FUS: variants seen among roughly 807,000 people sequenced by gnomAD.
FUS encodes the protein RNA-binding protein FUS.
Under a neutral mutation model 82.7 loss-of-function variants are expected in FUS, and 5 were observed. The observed-to-expected ratio is 0.06, with a 90% confidence interval of 0.03 to 0.13. The LOEUF (loss-of-function observed/expected upper bound fraction) is 0.13, where lower values mean the gene tolerates loss of function less well. Among genes scored for constraint, FUS ranks in the 10% least tolerant of loss-of-function variants. FUS has a pLI of 1.00. For synonymous variants in FUS, 281 were observed against 247.4 expected (o/e 1.14, Z -1.27); for missense variants, 512 against 707.8 (o/e 0.72, Z 3.14).
downstream of FUS, chr16:31,194,029 G>C: frequency 3.7e-6 from 2 of 533,720 alleles, no homozygotes; most frequent in Middle Eastern, 5.2e-4. Context: ...ATTGGGACAG[G>C]CTAAGTAGGA....
In FUS at chr16:31,184,961, C is replaced by T. The variant is rs773155473; in HGVS notation, c.546C>T (p.Ser182=). The T allele has an allele frequency of 4.3e-6, 7 of 1,613,744 alleles. No individual in the cohort carries two copies. Among genetic ancestry groups the T allele is most frequent in the Non-Finnish European group, 5.1e-6 (6 of 1,179,960 alleles). ...CAGGTAACTATGGCCAAGATCAATC[C>T]TCCATGAGTAGTGGTGGTGGCAGTG... ...GGGGNYGQDQ[S]SMSSGGGSGG... is the part of the protein sequence containing the mutation. Residue 182 remains serine (S), a synonymous_variant, in exon 6 of 15, where the codon TCC becomes TCT. Transcript: ENST00000254108.
rs986882037 is a variant in FUS, at chr16:31,184,344, G to A, written c.471G>A (p.Gln157=). Residue 157 remains glutamine, a synonymous_variant, in exon 5 of 15, where the codon CAG becomes CAA. Transcript: ENST00000254108. ...QSYNPPQGYG[Q]QNQYNSSSGG... Reference sequence around the variant, plus strand: ...ATAATCCCCCTCAGGGCTATGGACAGCAGAACCAGTACAACAGCAGCAGTG... The same window carrying A: ...ATAATCCCCCTCAGGGCTATGGACAACAGAACCAGTACAACAGCAGCAGTG... 6 of 1,614,016 alleles carry A rather than the reference G, an allele frequency of 3.7e-6. No homozygotes were observed. Among genetic ancestry groups the A allele is most frequent in the Non-Finnish European group, 5.1e-6 (6 of 1,180,036 alleles).
At chr16:31,193,426 C>T, downstream of FUS, 1 of 527,694 alleles carries the variant, frequency 1.9e-6, no homozygotes, top group Non-Finnish European at 3.7e-6. Flanking sequence ...GTTGAAATGG[C>T]CTGATACGAT....
chr16:31,186,517 G>C, intron 6 of FUS: 1 of 518,274 alleles, frequency 1.9e-6, no homozygotes, highest in Non-Finnish European at 3.5e-6. Flanking sequence ...TGCTCCATCG[G>C]AAGAACGACC....
chr16:31,180,182 G>GTTGT lies in FUS; in HGVS notation c.-30_-29insTTTG, dbSNP rs2058032984. Reference sequence around the variant, plus strand: ...CGGTACTCAGCGGTGTTGGAACTTCGTTGCTTGCTTGCCTGTGCGCGCGTG... The same window carrying GTTGT: ...CGGTACTCAGCGGTGTTGGAACTTCGTTGTTTGCTTGCTTGCCTGTGCGCGCGTG... On this transcript the variant is annotated 5_prime_UTR_variant, in exon 1 of 15. Transcript: ENST00000254108. 4 of 1,608,710 alleles carry GTTGT rather than the reference G, an allele frequency of 2.5e-6. No individual in the cohort carries two copies. The highest frequency in any genetic ancestry group is 8.5e-7 in the Non-Finnish European group (1 of 1,177,610).
rs1357280282 is a variant in FUS at position 31,190,104 on chromosome 16, G to C, written c.1131G>C (p.Arg377=). ...SFATRRADFN[R]GGGNGRGGRG... is the part of the protein sequence containing the mutation. Reference sequence around the variant, plus strand: ...CTACTCGCCGGGCAGACTTTAATCGGGGTGGTGGCAATGGTCGTGGAGGCC... The same window carrying C: ...CTACTCGCCGGGCAGACTTTAATCGCGGTGGTGGCAATGGTCGTGGAGGCC... Residue 377 remains arginine, a synonymous_variant, in exon 11 of 15, where the codon CGG becomes CGC. Transcript: ENST00000254108. The C allele has an allele frequency of 6.2e-7, 1 of 1,614,150 alleles. No individual in the cohort carries two copies. The highest frequency in any genetic ancestry group is 8.5e-7 in the Non-Finnish European group (1 of 1,180,002).
intron 5 of FUS, 51 bp from the exon 6 acceptor site, chr16:31,184,888 C>T (rs895424915): frequency 4.4e-6 from 7 of 1,592,540 alleles, no homozygotes; most frequent in Non-Finnish European, 6.0e-6. Flanking sequence ...TTTAGTGCTA[C>T]TTTACAATCT....
chr16:31,181,070 A>C (rs1179179888), intron 1 of FUS, among the ~76,000 whole-genome samples: 2 of 152,250 alleles, frequency 1.3e-5, no homozygotes, highest in East Asian at 3.9e-4. Context: ...CCGCCACCAC[A>C]GCCCGGCTAA....
At chr16:31,191,260 CA>C in intron 14 of FUS, 138 bp from the exon 15 acceptor site, 1 of 1,468,328 alleles carries the variant, frequency 6.8e-7, no homozygotes, top group Admixed American at 1.8e-5. Context: ...AAAATTAACT[CA>C]GGGGGAGTGA....
downstream of FUS, chr16:31,193,212 G>A (rs559582687): frequency 4.4e-5 from 22 of 494,994 alleles, no homozygotes; most frequent in African/African-American, 3.5e-4. Context: ...AATAAACCAT[G>A]ACTTTTAAGA....
In FUS at chr16:31,191,286, T is replaced by C. The variant is rs1036881354; in HGVS notation, c.1542-113T>C. On this transcript the variant is annotated intron_variant, in intron 14 of 14. Coordinates refer to ENST00000254108, the MANE Select transcript of FUS (RefSeq NM_004960.4). Reference sequence around the variant, plus strand: ...AGGGGGAGTGAATCTGTAGACCCACTTGAGATAAGATACTCGCTGGGTTAG... The same window carrying C: ...AGGGGGAGTGAATCTGTAGACCCACCTGAGATAAGATACTCGCTGGGTTAG... The C allele has an allele frequency of 8.0e-6, 12 of 1,501,206 alleles. No homozygotes were observed. In the African/African-American group the frequency reaches 1.5e-4, roughly 19 times the overall value. The allele number at this position is 1,501,206 out of a possible 1,614,324, so 93.0% of individuals were successfully genotyped here.
intron 3 of FUS, chr16:31,183,277 CAT>C (rs978401090): frequency 7.1e-5 from 12 of 168,758 alleles, no homozygotes; most frequent in African/African-American, 2.5e-4. Flanking sequence ...ATCTCAAAAA[CAT>C]AAAAAAAAAA....
chr16:31,184,441 T>TTC lies in FUS; in HGVS notation c.523+46_523+47insCT, dbSNP rs774059636. On this transcript the variant is annotated intron_variant, in intron 5 of 14. Transcript: ENST00000254108. ...GTCTGCAGCCCATTTTCTTTTTCTTTTTTTTTTTTTTTTTGAGACGGAGTC... is the reference window on the plus strand; with the variant it reads ...GTCTGCAGCCCATTTTCTTTTTCTTTTCTTTTTTTTTTTTTTGAGACGGAGTC... 1.9e-4 allele frequency: 226 copies of TTC among 1,219,274 alleles called. No individual in the cohort carries two copies. In the African/African-American group the frequency reaches 3.1e-3, roughly 16 times the overall value. 75.5% of individuals were successfully genotyped at this position (1,219,274 alleles called of 1,614,324 possible). A position where few individuals can be genotyped will look rare whatever the true frequency, so the allele number is the denominator to read the frequency against.
At chr16:31,184,836 T>C (rs988788093) in intron 5 of FUS, 103 bp from the exon 6 acceptor site, 1 of 1,163,744 alleles carries the variant, frequency 8.6e-7, no homozygotes, top group Non-Finnish European at 1.3e-6. Flanking sequence ...TTACTTTCTT[T>C]TGTCCTTCAT....
rs766187741 is a variant in FUS, at chr16:31,184,904, T to C, written c.524-35T>C. On this transcript the variant is annotated intron_variant, in intron 5 of 14. Transcript: ENST00000254108. ...TTAGTGCTACTTTACAATCTTTTTGTTTTTTTTTTTTAATCATTCTTTCTT... is the reference window on the plus strand; with the variant it reads ...TTAGTGCTACTTTACAATCTTTTTGCTTTTTTTTTTTAATCATTCTTTCTT... 21 of 1,127,552 alleles carry C rather than the reference T, an allele frequency of 1.9e-5. 1 individual carries two copies. In the East Asian group the frequency reaches 5.9e-4, roughly 31 times the overall value. 69.8% of individuals were successfully genotyped at this position (1,127,552 alleles called of 1,614,324 possible). A position where few individuals can be genotyped will look rare whatever the true frequency, so the allele number is the denominator to read the frequency against.
At chr16:31,186,907 C>T (rs2079278827) in intron 7 of FUS, 71 bp downstream of exon 7, 4 of 1,413,584 alleles carry the variant, frequency 2.8e-6, no homozygotes, top group East Asian at 2.3e-5. Context: ...TTGCAGATGT[C>T]TTAGCGTGTT....
At chr16:31,191,310 A>C in intron 14 of FUS, 89 bp from the exon 15 acceptor site, 1 of 1,543,192 alleles carries the variant, frequency 6.5e-7, no homozygotes, top group South Asian at 1.1e-5. Flanking sequence ...TCGCTGGGTT[A>C]GGTAGGAGGG....
At chr16:31,184,148 G>C (rs1471423323) in intron 4 of FUS, 61 bp from the exon 5 acceptor site, 4 of 1,614,004 alleles carry the variant, frequency 2.5e-6, no homozygotes, top group Non-Finnish European at 3.4e-6. Flanking sequence ...TCCACTAAAA[G>C]TGAAAGGAAA....
At chr16:31,189,589 A>C (rs1230552657) in intron 9 of FUS, 76 bp from the exon 10 acceptor site, 6 of 1,600,526 alleles carry the variant, frequency 3.7e-6, no homozygotes, top group Non-Finnish European at 5.1e-6. Context: ...TATAAACCTC[A>C]TGTTCTAGAG....
Sources: allele counts gnomAD v4.1 joint callset (sites outside exome capture counted in the v4.1 genomes callset), GRCh38; gene constraint gnomAD v4.1.1; transcripts MANE v1.5; gene names NCBI Gene and HGNC (gene_info 2026-07-23, HGNC 2026-07-21).